The following SLC24A4 variants were observed in gnomAD, a reference collection of about 807,000 sequenced individuals.
SLC24A4 encodes sodium/potassium/calcium exchanger 4.
In SLC24A4, 53 loss-of-function variants were observed where a neutral mutation model predicts 79.0. The observed-to-expected ratio is 0.67, with a 90% confidence interval of 0.54 to 0.84. SLC24A4 has a LOEUF of 0.84. SLC24A4 is among the 40% of genes least tolerant of loss of function. SLC24A4 has a pLI of 0.00. For synonymous variants in SLC24A4, 323 were observed against 323.8 expected (o/e 1.00, Z 0.03); for missense variants, 731 against 822.0 (o/e 0.89, Z 1.35).
intron 2 of SLC24A4, among the ~76,000 whole-genome samples, chr14:92,377,167 G>A (rs1401424360): frequency 1.3e-5 from 2 of 152,220 alleles, no homozygotes; most frequent in Admixed American, 1.3e-4. Context: ...GCTGGGTTTC[G>A]AACTTGGATC....
chr14:92,407,893 G>A (rs1890487317), intron 2 of SLC24A4, among the ~76,000 whole-genome samples: 1 of 104,740 alleles, frequency 9.5e-6, no homozygotes, highest in African/African-American at 3.2e-5. Flanking sequence ...GTGTGTGTGT[G>A]TGTGTGTATT....
intron 12 of SLC24A4, among the ~76,000 whole-genome samples, chr14:92,479,466 T>C (rs1301240375): frequency 6.6e-6 from 1 of 152,242 alleles, no homozygotes; most frequent in Non-Finnish European, 1.5e-5. Context: ...TAGAGGATTG[T>C]GTAGTTTTAT....
intron 12 of SLC24A4, among the ~76,000 whole-genome samples, chr14:92,469,794 C>T (rs1894337228): frequency 6.6e-6 from 1 of 152,140 alleles, no homozygotes; most frequent in Non-Finnish European, 1.5e-5. Context: ...AATATATGCT[C>T]AGTGAAAGCC....
intron 2 of SLC24A4, among the ~76,000 whole-genome samples, chr14:92,351,663 C>A (rs1886881702): frequency 6.6e-6 from 1 of 152,040 alleles, no homozygotes; most frequent in Non-Finnish European, 1.5e-5. Flanking sequence ...TTGAGACCAG[C>A]CTGGCCGACA....
chr14:92,351,058 C>T (rs796720953), intron 2 of SLC24A4, among the ~76,000 whole-genome samples: 3 of 152,270 alleles, frequency 2.0e-5, no homozygotes, highest in African/African-American at 7.2e-5. Context: ...TTCTAAGCCT[C>T]CAGAATTGTG....
chr14:92,362,735 A>G (rs1345248155), intron 2 of SLC24A4, among the ~76,000 whole-genome samples: 1 of 152,172 alleles, frequency 6.6e-6, no homozygotes, highest in Non-Finnish European at 1.5e-5. Flanking sequence ...CTGTGTCACC[A>G]TGCGCTCCTC....
rs1887004842 is a variant in SLC24A4 at position 92,353,583 on chromosome 14, G to A, written c.241+27605G>A. Among the ~76,000 whole-genome samples, 1 of 152,198 alleles carries A rather than the reference G, an allele frequency of 6.6e-6. No individual in the cohort carries two copies. Among genetic ancestry groups the A allele is most frequent in the Non-Finnish European group, 1.5e-5 (1 of 68,024 alleles). On this transcript the variant is annotated intron_variant, in intron 2 of 16. Transcript: ENST00000532405. The surrounding 1 kb of genome is among the most constrained non-coding windows in gnomAD (Gnocchi z 4.1). The stretch of plus-strand genomic sequence containing the variant: ...TGGTGTTATCAGACCTGTTGAGTTT[G>A]CCAATCTGGAGGGTGAATCATGGTA...
At chr14:92,416,787 T>A (rs144538793) in intron 2 of SLC24A4, among the ~76,000 whole-genome samples, 147 of 152,338 alleles carry the variant, frequency 9.6e-4, no homozygotes, top group Middle Eastern at 6.8e-3. Context: ...GGTGACTCTT[T>A]AGTGGAAATG....
At position 92,493,718 on chromosome 14, in the gene SLC24A4, T is replaced by A; in HGVS notation, c.*90T>A. 7.0e-7 allele frequency: 1 copy of A among 1,428,786 alleles called. No homozygotes were observed. Among genetic ancestry groups the A allele is most frequent in the Non-Finnish European group, 9.5e-7 (1 of 1,050,726 alleles). 88.5% of individuals were successfully genotyped at this position (1,428,786 alleles called of 1,614,324 possible). ...TCCTTCCCCCACCACAGGTCTCTCC[T>A]GCATAGGCAGCCACTGTCCGTTCTT... On this transcript the variant is annotated 3_prime_UTR_variant, in exon 17 of 17. Coordinates refer to ENST00000532405, the MANE Select transcript of SLC24A4 (RefSeq NM_153646.4).
intron 2 of SLC24A4, among the ~76,000 whole-genome samples, chr14:92,326,281 G>A (rs112758163): frequency 0.032 from 4,100 of 130,026 alleles, 168 homozygotes; most frequent in African/African-American, 0.1. Context: ...TGATGTTTGC[G>A]GCTCGGGGTG....
intron 2 of SLC24A4, among the ~76,000 whole-genome samples, chr14:92,389,308 C>T (rs535876894): frequency 6.6e-6 from 1 of 152,334 alleles, no homozygotes; most frequent in Non-Finnish European, 1.5e-5. Context: ...GTGCTCACAA[C>T]ACACATGCAG....
At chr14:92,328,466 G>A (rs1366221453) in intron 2 of SLC24A4, among the ~76,000 whole-genome samples, 1 of 152,236 alleles carries the variant, frequency 6.6e-6, no homozygotes, top group African/African-American at 2.4e-5. Flanking sequence ...GTGTCCTTCT[G>A]TGTAGCCTGG....
chr14:92,326,530 A>AT (rs1885149194), intron 2 of SLC24A4, among the ~76,000 whole-genome samples: 1 of 151,820 alleles, frequency 6.6e-6, no homozygotes, highest in Non-Finnish European at 1.5e-5. Flanking sequence ...TCTTCTTCAG[A>AT]TTTTTCTTGG....
intron 2 of SLC24A4, among the ~76,000 whole-genome samples, chr14:92,345,822 G>A (rs969011268): frequency 6.6e-6 from 1 of 152,244 alleles, no homozygotes; most frequent in Non-Finnish European, 1.5e-5. Context: ...CAGGCACTGG[G>A]AGACAGCAGT....
At chr14:92,393,133 C>T (rs535614911) in intron 2 of SLC24A4, among the ~76,000 whole-genome samples, 1 of 152,394 alleles carries the variant, frequency 6.6e-6, no homozygotes, top group East Asian at 1.9e-4. Flanking sequence ...CTCTCACCAG[C>T]CATCGAATCT....
intron 8 of SLC24A4, among the ~76,000 whole-genome samples, 153 bp downstream of exon 8, chr14:92,445,495 T>C (rs1166812017): frequency 6.6e-6 from 1 of 152,268 alleles, no homozygotes; most frequent in Non-Finnish European, 1.5e-5. Flanking sequence ...TAAGCAGTCA[T>C]GCCTTTCTTT....
intron 12 of SLC24A4, among the ~76,000 whole-genome samples, chr14:92,480,903 T>C (rs1274458228): frequency 6.6e-6 from 1 of 152,206 alleles, no homozygotes; most frequent in East Asian, 1.9e-4. Context: ...TTTAGTGACT[T>C]TTCTAAACTA....
intron 14 of SLC24A4, among the ~76,000 whole-genome samples, chr14:92,489,700 C>T (rs1260427708): frequency 5.3e-5 from 8 of 152,158 alleles, no homozygotes; most frequent in African/African-American, 1.9e-4. Flanking sequence ...TTCCTGTTCT[C>T]ACTAAAATTT....
intron 11 of SLC24A4, among the ~76,000 whole-genome samples, chr14:92,454,376 A>G (rs548968339): frequency 2.0e-4 from 30 of 152,352 alleles, no homozygotes; most frequent in African/African-American, 7.0e-4. Flanking sequence ...TGTTTAGGGC[A>G]AAACAAAAAA....
Sources: gnomAD v4.1 joint callset for allele counts (sites outside exome capture counted in the v4.1 genomes callset) on GRCh38, gnomAD v4.1.1 for gene constraint, Gnocchi (gnomAD v3.1) non-coding constraint, MANE v1.5 for transcripts, NCBI Gene and HGNC (gene_info 2026-07-23, HGNC 2026-07-21) for gene names.